FSD1: variants seen among roughly 807,000 people sequenced by gnomAD.
FSD1 encodes fibronectin type III and SPRY domain containing 1.
A neutral mutation model predicts 58.2 loss-of-function variants in FSD1; 23 were observed. The ratio of observed to expected loss-of-function variants is 0.40; its 90% CI spans 0.28 to 0.56. The LOEUF (loss-of-function observed/expected upper bound fraction) is 0.56, where lower values mean the gene tolerates loss of function less well. Ranked by LOEUF, FSD1 falls within the 20% of genes least tolerant of loss-of-function variation. The pLI, the probability that FSD1 is intolerant of heterozygous loss-of-function variation, is 0.54. For synonymous variants in FSD1, 265 were observed against 263.4 expected (o/e 1.01, Z -0.06); for missense variants, 563 against 670.8 (o/e 0.84, Z 1.78).
Position 4,306,349 on chromosome 19 carries a change from T to A in FSD1, c.243+20T>A. ...CTGCAGGTGAGGGCTGAGGGCATCT[T>A]CCTCTCCCCCCGCCCCTCCTACTCA... On this transcript the variant is annotated intron_variant, in intron 3 of 12. Coordinates refer to ENST00000221856, the MANE Select transcript of FSD1 (RefSeq NM_024333.3). The A allele has an allele frequency of 1.2e-6, 2 of 1,612,456 alleles. No homozygotes were observed. Among genetic ancestry groups the A allele is most frequent in the Non-Finnish European group, 1.7e-6 (2 of 1,179,626 alleles).
chr19:4,321,263 G>A (rs1364298761), intron 10 of FSD1, among the ~76,000 whole-genome samples: 2 of 147,606 alleles, frequency 1.4e-5, no homozygotes, highest in African/African-American at 5.0e-5. Flanking sequence ...GGAAACAGCT[G>A]GGACTGAGGA....
intron 6 of FSD1, 24 bp downstream of exon 6, chr19:4,310,620 G>A: frequency 1.2e-6 from 2 of 1,605,038 alleles, no homozygotes; most frequent in Non-Finnish European, 1.7e-6. Context: ...GCACTAGAGG[G>A]CCAGGACTTC....
rs569675562 is a variant in FSD1 at position 4,310,418 on chromosome 19, C to T, written c.369-57C>T. On this transcript the variant is annotated intron_variant, in intron 5 of 12. Transcript: ENST00000221856. ...GGAGCCCTGGGGAGGGGCCCCCTCG[C>T]GCCACGGATGACCAGGCCTGGTCCC... 3.7e-5 allele frequency: 59 copies of T among 1,604,164 alleles called. 1 individual carries two copies. Among genetic ancestry groups the T allele is most frequent in the African/African-American group, 2.4e-4 (18 of 74,834 alleles).
chr19:4,317,947 G>A (rs1971772486), intron 8 of FSD1, among the ~76,000 whole-genome samples: 1 of 152,154 alleles, frequency 6.6e-6, no homozygotes, highest in Admixed American at 6.6e-5. Context: ...AACCCAGGAG[G>A]CGGAGGTTGC....
chr19:4,318,573 C>T, intron 9 of FSD1, 68 bp downstream of exon 9: 1 of 1,403,986 alleles, frequency 7.1e-7, no homozygotes, highest in South Asian at 1.4e-5. Context: ...ACACAGAGCC[C>T]AGTGTGGTCA....
At chr19:4,320,883 C>CT (rs1323382267) in intron 10 of FSD1, among the ~76,000 whole-genome samples, 30 of 105,238 alleles carry the variant, frequency 2.9e-4, no homozygotes, top group South Asian at 1.0e-3. Context: ...TGAGGAGTAT[C>CT]CGGGGAAATA....
chr19:4,320,585 G>A (rs1218305039), intron 10 of FSD1, among the ~76,000 whole-genome samples: 1 of 152,178 alleles, frequency 6.6e-6, no homozygotes, highest in East Asian at 1.9e-4. Context: ...GAGGCTTGGG[G>A]AGTATCTGGG....
chr19:4,313,577 G>T (rs1407564552), intron 7 of FSD1, among the ~76,000 whole-genome samples: 1 of 151,922 alleles, frequency 6.6e-6, no homozygotes, highest in Non-Finnish European at 1.5e-5. Flanking sequence ...AATTAGCTGG[G>T]TGTGGTGGCG....
intron 10 of FSD1, among the ~76,000 whole-genome samples, chr19:4,321,282 AG>A (rs1971814558): frequency 1.2e-5 from 1 of 83,710 alleles, no homozygotes; most frequent in Non-Finnish European, 2.4e-5. Context: ...GAGTATCTGG[AG>A]GGGAATAGCT....
rs147669796 is a variant in FSD1, at chr19:4,307,157, C to T, written c.244-725C>T. On this transcript the variant is annotated intron_variant, in intron 3 of 12. Transcript: ENST00000221856. ...GCAGCGTCCGCCTCCCAGGCTTAAGCGATTCTCCCATCTTAGCCTCCCAAG... is the reference window on the plus strand; with the variant it reads ...GCAGCGTCCGCCTCCCAGGCTTAAGTGATTCTCCCATCTTAGCCTCCCAAG... Among the ~76,000 whole-genome samples, 792 of 152,110 alleles carry T rather than the reference C, an allele frequency of 5.2e-3. 13 individuals are homozygous for T. Among genetic ancestry groups the T allele is most frequent in the African/African-American group, 0.018 (745 of 41,500 alleles).
intron 4 of FSD1, 37 bp from the exon 5 acceptor site, chr19:4,310,236 A>G (rs1599534936): frequency 1.2e-6 from 2 of 1,613,686 alleles, no homozygotes; most frequent in African/African-American, 2.7e-5. Flanking sequence ...AAAACAAAAA[A>G]AGAAATCTTT....
At chr19:4,322,365 A>G (rs958371979) in intron 10 of FSD1, among the ~76,000 whole-genome samples, 1 of 151,382 alleles carries the variant, frequency 6.6e-6, no homozygotes, top group Non-Finnish European at 1.5e-5. Flanking sequence ...TGGGATCCCG[A>G]GGAGTATCTG....
At chr19:4,306,359 C>G in intron 3 of FSD1, 30 bp downstream of exon 3, 1 of 1,611,590 alleles carries the variant, frequency 6.2e-7, no homozygotes. Flanking sequence ...TCCTCTCCCC[C>G]CGCCCCTCCT....
At position 4,323,659 on chromosome 19, in the gene FSD1, C is replaced by T. The variant is rs1297496021; in HGVS notation, c.*16C>T. ...CCTCACCTAGGCCCCCAGGCACCCA[C>T]CCAGCTGGGGTGTTTTTGGGGGAGT... is the stretch of plus-strand genomic sequence containing the variant. On this transcript the variant is annotated 3_prime_UTR_variant, in exon 13 of 13. Coordinates refer to ENST00000221856, the MANE Select transcript of FSD1 (RefSeq NM_024333.3). The surrounding 1 kb of genome is among the most constrained non-coding windows in gnomAD (Gnocchi z 7.7). 1 of 1,583,580 alleles carries T rather than the reference C, an allele frequency of 6.3e-7. No homozygotes were observed. The highest frequency in any genetic ancestry group is 1.3e-5 in the African/African-American group (1 of 74,436).
At chr19:4,315,135 C>CT (rs966001314) in intron 7 of FSD1, among the ~76,000 whole-genome samples, 3 of 147,598 alleles carry the variant, frequency 2.0e-5, no homozygotes, top group Admixed American at 6.7e-5. Context: ...TTTCTTTTTT[C>CT]TTTTTTTTGA....
At chr19:4,304,841 A>ACCCC in intron 1 of FSD1, 80 bp downstream of exon 1, 4 of 312,796 alleles carry the variant, frequency 1.3e-5, no homozygotes, top group Admixed American at 1.2e-4. Context: ...CAGCGCCCCC[A>ACCCC]CTCCCTCCCC....
At chr19:4,320,176 C>T (rs1447140081) in intron 10 of FSD1, among the ~76,000 whole-genome samples, 1 of 152,040 alleles carries the variant, frequency 6.6e-6, no homozygotes, top group Admixed American at 6.6e-5. Flanking sequence ...TCAGCAGTAG[C>T]TGAGGCCTGG....
Position 4,317,203 on chromosome 19 carries a change from A to C in FSD1, c.722A>C (p.Tyr241Ser), listed in dbSNP as rs1971764296. 6.2e-7 allele frequency: 1 copy of C among 1,611,050 alleles called. No individual in the cohort carries two copies. Among genetic ancestry groups the C allele is most frequent in the African/African-American group, 1.3e-5 (1 of 74,986 alleles). The change falls in exon 8 of 13, where the codon TAC becomes TCC. Residue 241 changes from tyrosine (Y) to serine (S), a missense_variant. Physicochemically the swap from Tyr to Ser is moderately radical, Grantham distance 144. Transcript: ENST00000221856. ...TLTGLKFDMK[Y>S]MNFRVKACNK... ...CCAGGTCTCAAGTTTGACATGAAAT[A>C]CATGAACTTCCGTGTGAAGGCCTGT...
intron 4 of FSD1, among the ~76,000 whole-genome samples, 163 bp downstream of exon 4, chr19:4,308,146 C>T (rs942038382): frequency 1.3e-5 from 2 of 152,152 alleles, no homozygotes; most frequent in Non-Finnish European, 2.9e-5. Flanking sequence ...ACAGTGGCTA[C>T]GCCTGTAATC....
Sources: gnomAD v4.1 joint callset for allele counts (sites outside exome capture counted in the v4.1 genomes callset) on GRCh38, gnomAD v4.1.1 for gene constraint, Gnocchi (gnomAD v3.1) non-coding constraint, MANE v1.5 for transcripts, NCBI Gene and HGNC (gene_info 2026-07-23, HGNC 2026-07-21) for gene names.